The following SEC13 variants were observed in gnomAD, a reference collection of about 807,000 sequenced individuals.
SEC13 encodes protein SEC13 homolog.
In SEC13, 25 loss-of-function variants were observed where a neutral mutation model predicts 49.2. That is an observed-to-expected ratio of 0.51 (90% CI 0.37 to 0.71). The LOEUF (loss-of-function observed/expected upper bound fraction) is 0.71. Ranked by LOEUF, SEC13 falls within the 30% of genes least tolerant of loss-of-function variation. The pLI, the probability that SEC13 is intolerant of heterozygous loss-of-function variation, is 0.00. For missense variants in SEC13, 383 were observed against 417.6 expected (o/e 0.92, Z 0.72); for synonymous variants, 148 against 163.9 (o/e 0.90, Z 0.74).
chr3:10,317,966 G>A (rs553810279), intron 2 of SEC13, 84 bp downstream of exon 2: 37 of 865,828 alleles, frequency 4.3e-5, no homozygotes, highest in South Asian at 1.1e-4. Context: ...CAACAGAAAG[G>A]GGTAATGAAA....
At chr3:10,306,424 C>T (rs375541841) in intron 5 of SEC13, among the ~76,000 whole-genome samples, 4 of 152,186 alleles carry the variant, frequency 2.6e-5, no homozygotes, top group African/African-American at 7.2e-5. Flanking sequence ...TCAGGAGGCA[C>T]GTTAGATTGT....
intron 7 of SEC13, among the ~76,000 whole-genome samples, chr3:10,304,706 A>C (rs768444108): frequency 6.6e-6 from 1 of 151,836 alleles, no homozygotes; most frequent in African/African-American, 2.4e-5. Flanking sequence ...TTCCCATCCA[A>C]CCCCATCGTT....
At chr3:10,320,423 T>C in intron 1 of SEC13, 1 of 589,478 alleles carries the variant, frequency 1.7e-6, no homozygotes, top group Non-Finnish European at 2.1e-6. Context: ...ACACTGCAGA[T>C]GCCACAGAGA....
At chr3:10,320,644 C>G in intron 1 of SEC13, 6 of 1,021,244 alleles carry the variant, frequency 5.9e-6, no homozygotes, top group Non-Finnish European at 7.0e-6. Flanking sequence ...CTCCACGTCT[C>G]CGAACCTCAA....
At chr3:10,309,553 C>A (rs1251281724) in intron 5 of SEC13, among the ~76,000 whole-genome samples, 1 of 152,064 alleles carries the variant, frequency 6.6e-6, no homozygotes, top group African/African-American at 2.4e-5. Flanking sequence ...CTAATTCTTT[C>A]CTGAGTTCTG....
chr3:10,306,896 T>G (rs1415835469), intron 5 of SEC13, among the ~76,000 whole-genome samples: 1 of 152,194 alleles, frequency 6.6e-6, no homozygotes, highest in Non-Finnish European at 1.5e-5. Flanking sequence ...CTCTTTCCTT[T>G]GTAAATTGCT....
At chr3:10,308,814 T>TA (rs1553636629) in intron 5 of SEC13, among the ~76,000 whole-genome samples, 11 of 96,766 alleles carry the variant, frequency 1.1e-4, no homozygotes, top group Non-Finnish European at 2.2e-4. Context: ...TTTTTTTTTT[T>TA]AGAGACGGGG....
chr3:10,302,532 A>C (rs1449147651), intron 8 of SEC13, among the ~76,000 whole-genome samples: 2 of 152,202 alleles, frequency 1.3e-5, no homozygotes. Context: ...CTTGTAAAAA[A>C]GTCACTGGGG....
chr3:10,312,489 C>T (rs923698976), intron 4 of SEC13, 90 bp downstream of exon 4: 22 of 1,480,560 alleles, frequency 1.5e-5, no homozygotes, highest in African/African-American at 9.8e-5. Flanking sequence ...AGAGGCACCA[C>T]GAGGGGCAGG....
At chr3:10,319,932 G>T (rs2059744333) in intron 1 of SEC13, among the ~76,000 whole-genome samples, 2 of 115,046 alleles carry the variant, frequency 1.7e-5, no homozygotes, top group Non-Finnish European at 3.6e-5. Context: ...AGAGAAGAGA[G>T]GGAGGGGGAG....
chr3:10,303,656 A>G (rs998155580), intron 8 of SEC13: 1 of 299,526 alleles, frequency 3.3e-6, no homozygotes, highest in Non-Finnish European at 6.5e-6. Context: ...AATATCCCCA[A>G]TCTTCTTCTG....
At chr3:10,315,858 G>A (rs1701573067) in intron 2 of SEC13, among the ~76,000 whole-genome samples, 1 of 152,222 alleles carries the variant, frequency 6.6e-6, no homozygotes, top group Non-Finnish European at 1.5e-5. Flanking sequence ...TAATGCATGG[G>A]AGCAGGCCAA....
At chr3:10,314,090 G>C (rs1701454770) in intron 3 of SEC13, 1 of 152,036 alleles carries the variant, frequency 6.6e-6, no homozygotes. Context: ...GGCTTATAAA[G>C]AAAATTCAAT....
chr3:10,312,534 TACCC>T (rs765721763), intron 4 of SEC13, 41 bp downstream of exon 4: 1 of 1,604,250 alleles, frequency 6.2e-7, no homozygotes, highest in Non-Finnish European at 8.5e-7. Flanking sequence ...AGTCCTTTTT[TACCC>T]AGTGGTCCCC....
In SEC13 at chr3:10,309,883, G is replaced by C. The variant is rs147815590; in HGVS notation, c.450+2082C>G. Among the ~76,000 whole-genome samples the C allele has an allele frequency of 5.5e-3, 837 of 152,310 alleles. 3 individuals are homozygous for C. The highest frequency in any genetic ancestry group is 0.017 in the Middle Eastern group (5 of 294). On this transcript the variant is annotated intron_variant, in intron 5 of 8. Coordinates refer to ENST00000350697, the MANE Select transcript of SEC13 (RefSeq NM_183352.3). The stretch of plus-strand genomic sequence containing the variant: ...TTCTGTGTGGTGTTAAAAAACGTGG[G>C]AGATGGCTTTCAGGAGTTCCTGTCT...
At chr3:10,305,416 T>G in intron 6 of SEC13, 143 bp downstream of exon 6, 6 of 1,160,024 alleles carry the variant, frequency 5.2e-6, no homozygotes, top group Non-Finnish European at 7.4e-6. Context: ...AAGGATGTCC[T>G]CCAACAGATT....
chr3:10,312,989 A>G (rs1160632903), intron 3 of SEC13: 3 of 429,544 alleles, frequency 7.0e-6, no homozygotes, highest in Non-Finnish European at 1.3e-5. Flanking sequence ...TGTCCTGGCC[A>G]GGCAGGAGCC....
intron 3 of SEC13, chr3:10,314,844 G>A (rs1332713299): frequency 1.9e-5 from 3 of 154,068 alleles, no homozygotes; most frequent in African/African-American, 4.8e-5. Flanking sequence ...TTATTCTTAC[G>A]GTGATGCTTT....
At chr3:10,318,199 A>C in intron 1 of SEC13, 105 bp from the exon 2 acceptor site, 1 of 776,162 alleles carries the variant, frequency 1.3e-6, no homozygotes, top group Non-Finnish European at 2.3e-6. Context: ...TCATTCATTC[A>C]TTCAGTAAGC....
Sources: gnomAD v4.1 joint callset for allele counts (sites outside exome capture counted in the v4.1 genomes callset) on GRCh38, gnomAD v4.1.1 for gene constraint, MANE v1.5 for transcripts, NCBI Gene and HGNC (gene_info 2026-07-23, HGNC 2026-07-21) for gene names.